Variants in SGCZ observed in about 807,000 individuals in gnomAD.
SGCZ encodes the protein zeta-sarcoglycan.
A neutral mutation model predicts 41.3 loss-of-function variants in SGCZ; 40 were observed. The ratio of observed to expected loss-of-function variants is 0.97; its 90% confidence interval spans 0.75 to 1.26. The LOEUF is 1.26. SGCZ is among the 50% of genes most tolerant of loss of function. SGCZ has a pLI of 0.00. For missense variants in SGCZ, 552 were observed against 369.8 expected, an observed-to-expected ratio of 1.49 and a Z score of -4.04; for synonymous variants, 206 against 137.5, an observed-to-expected ratio of 1.50 and a Z score of -3.49.
At chr8:15,188,185 G>A (rs1009356861) in intron 1 of SGCZ, among the ~76,000 whole-genome samples, 2 of 152,100 alleles carry the variant, frequency 1.3e-5, no homozygotes, top group Middle Eastern at 3.4e-3. Flanking sequence ...TTGGAGTATT[G>A]TATCAAGTGG....
chr8:15,167,279 C>T (rs1419642257), intron 1 of SGCZ, among the ~76,000 whole-genome samples: 4 of 152,238 alleles, frequency 2.6e-5, no homozygotes, highest in African/African-American at 4.8e-5. Context: ...GATAGGTATG[C>T]TTCCCTTTAA....
At chr8:14,784,928 ATATATAAAATATATATATTTTTTATAT>A in intron 1 of SGCZ, among the ~76,000 whole-genome samples, 1 of 110,412 alleles carries the variant, frequency 9.1e-6, no homozygotes, top group Non-Finnish European at 1.9e-5. Flanking sequence ...ATATATATAT[ATATATAAAATATATATATTTTTTATAT>A]TATATATATA....
In SGCZ at chr8:14,919,406, A is replaced by G. The variant is rs574178763; in HGVS notation, c.39+318179T>C. Among the ~76,000 whole-genome samples the G allele has an allele frequency of 2.0e-5, 3 of 152,256 alleles. No homozygotes were observed. The South Asian group carries it at 6.2e-4, about 32-fold the overall frequency. On this transcript the variant is annotated intron_variant, in intron 1 of 7. Transcript: ENST00000382080. ...CAGTGAGCCGAGATCGCACCACTGCACTCTAGCCTGAATGAAAAAGCAAGA... is the reference window on the plus strand; with the variant it reads ...CAGTGAGCCGAGATCGCACCACTGCGCTCTAGCCTGAATGAAAAAGCAAGA...
intron 1 of SGCZ, among the ~76,000 whole-genome samples, chr8:15,048,282 T>A (rs971796226): frequency 2.0e-5 from 3 of 151,754 alleles, no homozygotes; most frequent in African/African-American, 7.3e-5. Context: ...GATAAGTGGA[T>A]CCCATGAAGG....
At chr8:14,299,454 A>G (rs1801117544) in intron 3 of SGCZ, among the ~76,000 whole-genome samples, 1 of 152,026 alleles carries the variant, frequency 6.6e-6, no homozygotes, top group South Asian at 2.1e-4. Context: ...CAATTCCTAC[A>G]AATTACAGTA....
intron 1 of SGCZ, among the ~76,000 whole-genome samples, chr8:14,988,329 A>T (rs372351995): frequency 1.8e-3 from 273 of 152,154 alleles, no homozygotes; most frequent in African/African-American, 6.3e-3. Flanking sequence ...ATCATATAAG[A>T]TATACCATAC....
intron 2 of SGCZ, among the ~76,000 whole-genome samples, chr8:14,343,241 G>T (rs13251298): frequency 0.21 from 32,289 of 152,092 alleles, 3,918 homozygotes; most frequent in Non-Finnish European, 0.29. Flanking sequence ...GGGAAATGTG[G>T]GGTCAGAGCC....
At chr8:14,200,842 A>C (rs1805432763) in intron 4 of SGCZ, among the ~76,000 whole-genome samples, 1 of 152,170 alleles carries the variant, frequency 6.6e-6, no homozygotes, top group Non-Finnish European at 1.5e-5. Flanking sequence ...CAGACTGTTA[A>C]AGGAATGAAG....
At chr8:14,815,314 T>C (rs1377646143) in intron 1 of SGCZ, among the ~76,000 whole-genome samples, 1 of 151,868 alleles carries the variant, frequency 6.6e-6, no homozygotes, top group Non-Finnish European at 1.5e-5. Context: ...ATAACCCTTA[T>C]ACATAGCGGA....
intron 5 of SGCZ, among the ~76,000 whole-genome samples, chr8:14,141,380 A>C (rs1803364526): frequency 6.6e-6 from 1 of 152,226 alleles, no homozygotes; most frequent in Admixed American, 6.5e-5. Flanking sequence ...GTGAAAAGGC[A>C]ACCTACAGAA....
intron 1 of SGCZ, among the ~76,000 whole-genome samples, chr8:15,044,752 T>C (rs190164798): frequency 9.3e-4 from 141 of 152,206 alleles, no homozygotes; most frequent in African/African-American, 3.2e-3. Context: ...TTAGTTCCCC[T>C]GTGGCCTGGT....
At chr8:15,154,681 C>A (rs1799278544) in intron 1 of SGCZ, among the ~76,000 whole-genome samples, 1 of 152,090 alleles carries the variant, frequency 6.6e-6, no homozygotes, top group Non-Finnish European at 1.5e-5. Flanking sequence ...CCTTCAGAAA[C>A]CATTTGAAGA....
At chr8:15,216,162 C>G (rs1274146168) in intron 1 of SGCZ, among the ~76,000 whole-genome samples, 1 of 151,608 alleles carries the variant, frequency 6.6e-6, no homozygotes, top group African/African-American at 2.4e-5. Context: ...AAAGCAAAGG[C>G]ACTTCTCATT....
intron 1 of SGCZ, among the ~76,000 whole-genome samples, chr8:15,029,888 T>C (rs1803595120): frequency 6.6e-6 from 1 of 152,144 alleles, no homozygotes; most frequent in Non-Finnish European, 1.5e-5. Context: ...AAATCCTTTG[T>C]GTAGTCTCTT....
At chr8:14,610,309 G>C (rs1162501163) in intron 1 of SGCZ, among the ~76,000 whole-genome samples, 2 of 152,174 alleles carry the variant, frequency 1.3e-5, no homozygotes, top group Admixed American at 6.5e-5. Flanking sequence ...ACTCCCATGT[G>C]AAAGATGCCC....
chr8:14,506,549 A>G (rs1802311100), intron 2 of SGCZ, among the ~76,000 whole-genome samples: 1 of 151,974 alleles, frequency 6.6e-6, no homozygotes, highest in African/African-American at 2.4e-5. Context: ...TTTCATGTAT[A>G]CCTGGACACC....
intron 1 of SGCZ, among the ~76,000 whole-genome samples, chr8:14,670,935 G>T (rs1808081101): frequency 6.6e-6 from 1 of 152,182 alleles, no homozygotes. Context: ...TACACAGGTT[G>T]AAGCCAAGAA....
chr8:14,192,291 G>T (rs1001171304), intron 4 of SGCZ, among the ~76,000 whole-genome samples: 1 of 151,892 alleles, frequency 6.6e-6, no homozygotes, highest in Non-Finnish European at 1.5e-5. Flanking sequence ...AAAGAATACT[G>T]CTGTATTTAA....
Position 14,218,618 on chromosome 8 carries a change from A to T in SGCZ, c.424+18974T>A, listed in dbSNP as rs567253232. Among the ~76,000 whole-genome samples the T allele has an allele frequency of 4.1e-3, 618 of 152,298 alleles. 2 individuals carry two copies. Among genetic ancestry groups the T allele is most frequent in the Non-Finnish European group, 7.2e-3 (488 of 68,006 alleles). On this transcript the variant is annotated intron_variant, in intron 4 of 7. Transcript: ENST00000382080. ...TATGTTAAATGACATTTTAATGTGCATTTCTCACTTTATTTTTTCTTGCTA... is the reference window on the plus strand; with the variant it reads ...TATGTTAAATGACATTTTAATGTGCTTTTCTCACTTTATTTTTTCTTGCTA...
Sources: gnomAD v4.1 joint callset for allele counts (sites outside exome capture counted in the v4.1 genomes callset) on GRCh38, gnomAD v4.1.1 for gene constraint, MANE v1.5 for transcripts, NCBI Gene and HGNC (gene_info 2026-07-23, HGNC 2026-07-21) for gene names.